The following MYOM2 variants were observed in gnomAD, a reference collection of about 807,000 sequenced individuals.
The protein encoded by MYOM2 is myomesin 2.
In MYOM2, 254 loss-of-function variants were observed where a neutral mutation model predicts 187.6. That is an observed-to-expected ratio of 1.35 (90% confidence interval 1.22 to 1.50). The LOEUF (loss-of-function observed/expected upper bound fraction) is 1.50, where lower values mean the gene tolerates loss of function less well. Ranked by LOEUF, MYOM2 falls within the 40% of genes most tolerant of loss-of-function variation. MYOM2 has a pLI of 0.00. For synonymous variants in MYOM2, 981 were observed against 753.8 expected (o/e 1.30, Z -4.94); for missense variants, 2,796 against 1,924.0 (o/e 1.45, Z -8.48).
intron 8 of MYOM2, among the ~76,000 whole-genome samples, chr8:2,071,974 C>T (rs1012805092): frequency 6.6e-6 from 1 of 152,216 alleles, no homozygotes; most frequent in African/African-American, 2.4e-5. Flanking sequence ...CTCCTTACAC[C>T]GTCCCATTGA....
chr8:2,059,272 G>T lies in MYOM2; in HGVS notation c.653+27G>T, dbSNP rs376667162. 4 of 1,601,576 alleles carry T rather than the reference G, an allele frequency of 2.5e-6. No homozygotes were observed. In the African/African-American group the frequency reaches 4.0e-5, roughly 16 times the overall value. Reference sequence around the variant, plus strand: ...TATGGCTGTGGTGGGGGCTCTGGACGCTGGCGTCCAGTAATCAGCATTGCA... The same window carrying T: ...TATGGCTGTGGTGGGGGCTCTGGACTCTGGCGTCCAGTAATCAGCATTGCA... On this transcript the variant is annotated intron_variant, in intron 6 of 36. Transcript: ENST00000262113.
At chr8:2,094,380 G>C (rs1302755552) in intron 17 of MYOM2, among the ~76,000 whole-genome samples, 1 of 152,188 alleles carries the variant, frequency 6.6e-6, no homozygotes, top group African/African-American at 2.4e-5. Flanking sequence ...GTAGGCTGGC[G>C]CAATGGCTCA....
rs1327973449 is a variant in MYOM2, at chr8:2,144,858, C to T, written c.4275C>T (p.Gly1425=). The T allele has an allele frequency of 6.2e-6, 10 of 1,614,076 alleles. No individual in the cohort carries two copies. Among genetic ancestry groups the T allele is most frequent in the South Asian group, 3.3e-5 (3 of 91,074 alleles). ...GCATCAACATCAAGAATAAGTATGG[C>T]GGGGAGAAGATCGACGTGACAGTGA... ...KYSINIKNKY[G]GEKIDVTVSV... Residue 1425 remains glycine, a synonymous_variant, in exon 37 of 37, where the codon GGC becomes GGT. Coordinates refer to ENST00000262113, the MANE Select transcript of MYOM2 (RefSeq NM_003970.4).
Position 2,058,960 on chromosome 8 carries a change from C to T in MYOM2, c.561-193C>T, listed in dbSNP as rs915102989. Among the ~76,000 whole-genome samples, 10 of 152,354 alleles carry T rather than the reference C, an allele frequency of 6.6e-5. 1 individual carries two copies. Among genetic ancestry groups the T allele is most frequent in the South Asian group, 6.2e-4 (3 of 4,830 alleles). On this transcript the variant is annotated intron_variant, in intron 5 of 36. Transcript: ENST00000262113. ...CCCCTGAGAGTCTGAACGAGGAAAG[C>T]GCTGCTCTCGCCTTAGAAAGCAAAA...
At chr8:2,129,866 A>G (rs978372184) in intron 32 of MYOM2, among the ~76,000 whole-genome samples, 4 of 152,144 alleles carry the variant, frequency 2.6e-5, no homozygotes, top group African/African-American at 9.7e-5. Flanking sequence ...TGCTGGCTGA[A>G]TCGAGGAGTC....
intron 4 of MYOM2, 32 bp from the exon 5 acceptor site, chr8:2,057,591 G>A (rs1585826645): frequency 6.2e-7 from 1 of 1,613,362 alleles, no homozygotes; most frequent in Admixed American, 1.7e-5. Flanking sequence ...CTCGCTGCCT[G>A]GGAACCTGAC....
At position 2,108,816 on chromosome 8, in the gene MYOM2, A is replaced by C. The variant is rs1437737139; in HGVS notation, c.3029A>C (p.Glu1010Ala). Reference sequence around the variant, plus strand: ...GAGCGTTTGATGGCATTGAGCAATGAAATAAAGAACCCCAGTAAGTAAGCC... The same window carrying C: ...GAGCGTTTGATGGCATTGAGCAATGCAATAAAGAACCCCAGTAAGTAAGCC... Reference protein sequence around the residue: ...ELERLMALSNEIKNPTIPLKS... With the variant: ...ELERLMALSNAIKNPTIPLKS... Residue 1010 changes from glutamate (E) to alanine (A), a missense_variant, in exon 24 of 37, where the codon GAA (glutamate) becomes GCA (alanine). Coordinates refer to ENST00000262113, the MANE Select transcript of MYOM2 (RefSeq NM_003970.4). 7 of 1,613,808 alleles carry C rather than the reference A, an allele frequency of 4.3e-6. No individual in the cohort carries two copies. Among genetic ancestry groups the C allele is most frequent in the Non-Finnish European group, 5.1e-6 (6 of 1,179,962 alleles).
intron 32 of MYOM2, among the ~76,000 whole-genome samples, chr8:2,134,858 A>G (rs1447972153): frequency 6.6e-6 from 1 of 151,930 alleles, no homozygotes; most frequent in Non-Finnish European, 1.5e-5. Flanking sequence ...CTTCTGCCCC[A>G]TTGCTACAAT....
At chr8:2,108,428 A>T (rs1796963498) in intron 23 of MYOM2, among the ~76,000 whole-genome samples, 1 of 152,136 alleles carries the variant, frequency 6.6e-6, no homozygotes, top group African/African-American at 2.4e-5. Flanking sequence ...CAGCCAGTGC[A>T]ATCAATTTTA....
intron 10 of MYOM2, among the ~76,000 whole-genome samples, chr8:2,074,382 T>C (rs966443104): frequency 6.6e-6 from 1 of 152,138 alleles, no homozygotes; most frequent in African/African-American, 2.4e-5. Context: ...CCTGAGTTCC[T>C]GTTATAACTT....
chr8:2,069,806 A>G (rs1819152997), intron 8 of MYOM2, among the ~76,000 whole-genome samples: 1 of 152,148 alleles, frequency 6.6e-6, no homozygotes, highest in South Asian at 2.1e-4. Context: ...GTATTTTTAG[A>G]CTGGTGAAAA....
At chr8:2,050,693 A>T in intron 1 of MYOM2, 62 bp from the exon 2 acceptor site, 1 of 970,556 alleles carries the variant, frequency 1.0e-6, no homozygotes, top group Non-Finnish European at 1.6e-6. Context: ...ATGATGCAGA[A>T]ATGGCAGAGG....
At chr8:2,139,998 A>G (rs1798219136) in intron 32 of MYOM2, among the ~76,000 whole-genome samples, 1 of 152,160 alleles carries the variant, frequency 6.6e-6, no homozygotes, top group South Asian at 2.1e-4. Flanking sequence ...ATCATCGTGC[A>G]GGCACCACCA....
chr8:2,078,862 G>T lies in MYOM2; in HGVS notation c.1391G>T (p.Gly464Val), dbSNP rs759371061. Residue 464 changes from glycine to valine, a missense_variant, in exon 12 of 37, where the codon GGC (glycine) becomes GTC (valine). By Grantham distance (109) the Gly-to-Val change is moderately radical. Transcript: ENST00000262113. Reference sequence around the variant, plus strand: ...CGAGTGAGGGCAGTGAACAGTGCGGGCATCAGCCGACCCTCCAGGGTCTCT... The same window carrying T: ...CGAGTGAGGGCAGTGAACAGTGCGGTCATCAGCCGACCCTCCAGGGTCTCT... The part of the protein sequence containing the change: ...IFRVRAVNSA[G>V]ISRPSRVSDA... The T allele has an allele frequency of 5.0e-6, 8 of 1,614,048 alleles. No individual in the cohort carries two copies. The highest frequency in any genetic ancestry group is 6.8e-6 in the Non-Finnish European group (8 of 1,179,942).
chr8:2,134,833 C>G (rs983264015), intron 32 of MYOM2, among the ~76,000 whole-genome samples: 1 of 152,128 alleles, frequency 6.6e-6, no homozygotes, highest in African/African-American at 2.4e-5. Context: ...AAAACATTCC[C>G]AACTCATCTC....
At chr8:2,073,606 G>C in intron 10 of MYOM2, 106 bp downstream of exon 10, 1 of 1,346,758 alleles carries the variant, frequency 7.4e-7, no homozygotes, top group Non-Finnish European at 9.8e-7. Context: ...GAGGGTGTGA[G>C]ACCACTTTGC....
At chr8:2,097,309 C>G (rs554001976) in intron 18 of MYOM2, among the ~76,000 whole-genome samples, 1 of 152,256 alleles carries the variant, frequency 6.6e-6, no homozygotes, top group South Asian at 2.1e-4. Context: ...AACCTCTGTT[C>G]TGATCCCTTA....
Position 2,057,568 on chromosome 8 carries a change from G to A in MYOM2, c.403-55G>A, listed in dbSNP as rs550764862. Reference sequence around the variant, plus strand: ...GTCTGCATGGTGCTTGAGGGGCCGAGGGTGGAGCTTGGCTCGCTGCCTGGG... The same window carrying A: ...GTCTGCATGGTGCTTGAGGGGCCGAAGGTGGAGCTTGGCTCGCTGCCTGGG... On this transcript the variant is annotated intron_variant, in intron 4 of 36. Transcript: ENST00000262113. The A allele has an allele frequency of 6.2e-6, 10 of 1,613,072 alleles. No individual in the cohort carries two copies. The African/African-American group carries it at 1.2e-4, about 19-fold the overall frequency.
chr8:2,048,444 G>A (rs12682058), intron 1 of MYOM2, among the ~76,000 whole-genome samples: 29 of 152,244 alleles, frequency 1.9e-4, no homozygotes, highest in Admixed American at 2.0e-4. Context: ...TGCATCTGGG[G>A]AGATTTCAAA....
Sources: gnomAD v4.1 joint callset for allele counts (sites outside exome capture counted in the v4.1 genomes callset) on GRCh38, gnomAD v4.1.1 for gene constraint, MANE v1.5 for transcripts, NCBI Gene and HGNC (gene_info 2026-07-23, HGNC 2026-07-21) for gene names.